The following NUMA1 variants were observed in gnomAD, a reference collection of about 807,000 sequenced individuals.
NUMA1 encodes nuclear mitotic apparatus protein 1.
NUMA1 carries 62 observed loss-of-function variants against 237.1 expected under a neutral mutation model. The ratio of observed to expected loss-of-function variants is 0.26; its 90% CI spans 0.21 to 0.32. The LOEUF (loss-of-function observed/expected upper bound fraction) is 0.32. Ranked by LOEUF, NUMA1 falls within the 10% of genes least tolerant of loss-of-function variation. The pLI, the probability that NUMA1 is intolerant of heterozygous loss-of-function variation, is 1.00. For missense variants in NUMA1, 2,533 were observed against 2,666.5 expected (o/e 0.95, Z 1.10); for synonymous variants, 1,028 against 1,066.1 (o/e 0.96, Z 0.70).
chr11:72,006,135 A>G lies in NUMA1; in HGVS notation c.5592T>C (p.Asp1864=). 1 of 1,614,138 alleles carries G rather than the reference A, an allele frequency of 6.2e-7. No individual in the cohort carries two copies. The highest frequency in any genetic ancestry group is 8.5e-7 in the Non-Finnish European group (1 of 1,180,026). Residue 1864 remains aspartate (D), a synonymous_variant, in exon 22 of 27, where the codon GAT becomes GAC. Coordinates refer to ENST00000393695, the MANE Select transcript of NUMA1 (RefSeq NM_006185.4). ...AGCTGAGCAGGGCTGAGTTGCCATAATCGGGAGAACCCAGGCGAGCTAGAG... is the reference window on the plus strand; with the variant it reads ...AGCTGAGCAGGGCTGAGTTGCCATAGTCGGGAGAACCCAGGCGAGCTAGAG... The part of the protein sequence containing the change: ...TQSLARLGSP[D]YGNSALLSLP...
chr11:72,009,220 G>A (rs907856740), intron 18 of NUMA1, 35 bp from the exon 19 acceptor site: 5 of 1,570,500 alleles, frequency 3.2e-6, no homozygotes, highest in Admixed American at 1.8e-5. Context: ...TGGGGTAGAG[G>A]TTGAAGGGCA....
chr11:72,008,870 G>A (rs748247843), intron 19 of NUMA1, 25 bp from the exon 20 acceptor site: 1 of 1,613,864 alleles, frequency 6.2e-7, no homozygotes, highest in Non-Finnish European at 8.5e-7. Context: ...GCCAGGGGGA[G>A]AGTGAAGAAA....
intron 22 of NUMA1, 169 bp from the exon 23 acceptor site, chr11:72,005,538 A>G (rs1376052684): frequency 1.7e-6 from 1 of 605,296 alleles, no homozygotes; most frequent in Non-Finnish European, 2.8e-6. Flanking sequence ...GACTATTTCT[A>G]TCCTAGGGGC....
At chr11:72,076,249 C>CT (rs1374321500) in intron 1 of NUMA1, among the ~76,000 whole-genome samples, 3 of 152,088 alleles carry the variant, frequency 2.0e-5, no homozygotes, top group Admixed American at 6.5e-5. Flanking sequence ...TGGTGTGCAC[C>CT]TGTAGTCCCA....
chr11:72,012,318 G>A (rs905041488), intron 16 of NUMA1, 83 bp downstream of exon 16: 36 of 1,331,500 alleles, frequency 2.7e-5, no homozygotes, highest in African/African-American at 7.2e-5. Flanking sequence ...AGGAGCTGGC[G>A]GAGGCAAGCT....
intron 2 of NUMA1, among the ~76,000 whole-genome samples, chr11:72,057,667 C>T (rs1309641965): frequency 6.6e-6 from 1 of 151,336 alleles, no homozygotes; most frequent in Non-Finnish European, 1.5e-5. Flanking sequence ...TTGCTTGAAC[C>T]CGGGAGGTGG....
In NUMA1 at chr11:72,018,411, C is replaced by A. The variant is rs371267182; in HGVS notation, c.845G>T (p.Arg282Leu). The A allele has an allele frequency of 1.2e-6, 2 of 1,613,940 alleles. No individual in the cohort carries two copies. The highest frequency in any genetic ancestry group is 1.3e-5 in the African/African-American group (1 of 75,024). ...AGAGCTGTACCTCTCATTCTTGTCA[C>A]GCAGCTCCTCAAGCTCCTTGGGCTC... ...PLEPKELEELRDKNESLTMRL... is the reference protein window; with the variant it reads ...PLEPKELEELLDKNESLTMRL... Residue 282 changes from arginine (R) to leucine (L), a missense_variant, in exon 11 of 27, where the codon CGT becomes CTT. Arg to Leu is a moderately radical substitution (Grantham distance 102, BLOSUM62 -2). This residue lies in a region of NUMA1 where 1,414 missense variants were observed against 1,508.1 expected (regional missense o/e 0.94). Coordinates refer to ENST00000393695, the MANE Select transcript of NUMA1 (RefSeq NM_006185.4).
chr11:72,049,625 T>A (rs1311069655), intron 2 of NUMA1: 3 of 129,552 alleles, frequency 2.3e-5, no homozygotes, highest in Non-Finnish European at 4.9e-5. Context: ...TGCCTATTCA[T>A]CTATCTATAG....
chr11:72,052,741 T>C (rs1942438652), intron 2 of NUMA1, among the ~76,000 whole-genome samples: 1 of 151,598 alleles, frequency 6.6e-6, no homozygotes, highest in Admixed American at 6.6e-5. Context: ...TCCAGTCTGG[T>C]GTGCTCCAGT....
At chr11:72,004,576 C>A (rs369545792) in intron 24 of NUMA1, 64 bp downstream of exon 24, 2 of 1,532,056 alleles carry the variant, frequency 1.3e-6, no homozygotes, top group Non-Finnish European at 1.8e-6. Context: ...CCCTTTAGTC[C>A]TTGGTGAGCT....
Position 72,015,411 on chromosome 11 carries a change from CCTT to C in NUMA1, c.2089_2091del (p.Lys697del). ...GCCTGGAGCTGCTCCTGGAGCTGGT[CCTT>C]CTCCTGGGCCACCCTTTCTTTCTCA... On this transcript the variant is annotated inframe_deletion, in exon 15 of 27. Transcript: ENST00000393695. This position sits in a 1 kb window ranked among gnomAD's most constrained non-coding sequence, Gnocchi z 4.0. The C allele has an allele frequency of 1.9e-6, 3 of 1,611,954 alleles. No individual in the cohort carries two copies. The highest frequency in any genetic ancestry group is 2.5e-6 in the Non-Finnish European group (3 of 1,180,028).
chr11:72,005,129 G>T, intron 23 of NUMA1, 104 bp downstream of exon 23: 1 of 1,301,510 alleles, frequency 7.7e-7, no homozygotes, highest in South Asian at 1.5e-5. Flanking sequence ...CCCCCTCCTC[G>T]GCCAGTCAGT....
chr11:72,035,929 G>C lies in NUMA1; in HGVS notation c.15C>G (p.Ala5=), dbSNP rs369168241. The C allele has an allele frequency of 2.5e-6, 4 of 1,614,018 alleles. No homozygotes were observed. In the Admixed American group the frequency reaches 6.7e-5, roughly 27 times the overall value. The change falls in exon 3 of 27, where the codon GCC becomes GCG. Residue 5 remains alanine, a synonymous_variant. Coordinates refer to ENST00000393695, the MANE Select transcript of NUMA1 (RefSeq NM_006185.4). ...AAGAGAGGAGTGCAGCCCCCCGGGT[G>C]GCGTGGAGTGTCATCTTGGTGATGC... MTLH[A]TRGAALLSWV... is the part of the protein sequence containing the mutation.
rs1278668273 is a variant in NUMA1, at chr11:72,035,983, C to A, written c.-32-8G>T. Reference sequence around the variant, plus strand: ...ACAGTCACTCCAATGCGCCTGGAACCCAAGAGAGGAAGAAAAGCAGTTAAT... The same window carrying A: ...ACAGTCACTCCAATGCGCCTGGAACACAAGAGAGGAAGAAAAGCAGTTAAT... On this transcript the variant is annotated splice_polypyrimidine_tract_variant and splice_region_variant and intron_variant, in intron 2 of 26. Coordinates refer to ENST00000393695, the MANE Select transcript of NUMA1 (RefSeq NM_006185.4). The A allele has an allele frequency of 2.5e-6, 4 of 1,605,124 alleles. No homozygotes were observed. The highest frequency in any genetic ancestry group is 3.4e-6 in the Non-Finnish European group (4 of 1,172,306).
Position 72,018,318 on chromosome 11 carries a change from A to G in NUMA1, c.861-18T>C. On this transcript the variant is annotated intron_variant, in intron 11 of 26. Coordinates refer to ENST00000393695, the MANE Select transcript of NUMA1 (RefSeq NM_006185.4). ...TGGTAAGGCTGCGAGGGAGGGAAGCAGTGAGAAGAGAGTATGGGTTCCTGG... is the reference window on the plus strand; with the variant it reads ...TGGTAAGGCTGCGAGGGAGGGAAGCGGTGAGAAGAGAGTATGGGTTCCTGG... The G allele has an allele frequency of 1.2e-6, 2 of 1,610,950 alleles. No individual in the cohort carries two copies. Among genetic ancestry groups the G allele is most frequent in the South Asian group, 1.1e-5 (1 of 91,004 alleles).
In NUMA1 at chr11:72,018,502, C is replaced by T. The variant is rs760603604; in HGVS notation, c.754G>A (p.Ala252Thr). The change falls in exon 11 of 27, where the codon GCC (alanine) becomes ACC (threonine). Residue 252 changes from alanine (A) to threonine (T), a missense_variant. Ala to Thr is a moderately conservative substitution (Grantham distance 58, BLOSUM62 0). Around this residue, in one of 3 missense-constraint regions of NUMA1, gnomAD observed 1,414 missense variants for 1,508.1 expected, o/e 0.94. Transcript: ENST00000393695. ...CGGTCAATGCGCTGCTGCATCATGGCTATCTGTGCATCTGCCCAGAGTGGA... is the reference window on the plus strand; with the variant it reads ...CGGTCAATGCGCTGCTGCATCATGGTTATCTGTGCATCTGCCCAGAGTGGA... Reference protein sequence around the residue: ...KLLTEKDAQIAMMQQRIDRLA... With the variant: ...KLLTEKDAQITMMQQRIDRLA... The T allele has an allele frequency of 1.2e-6, 2 of 1,614,058 alleles. No homozygotes were observed. The highest frequency in any genetic ancestry group is 1.7e-5 in the Admixed American group (1 of 60,018).
At chr11:72,024,588 C>T in intron 4 of NUMA1, 1 of 530,876 alleles carries the variant, frequency 1.9e-6, no homozygotes, top group Non-Finnish European at 3.4e-6. Context: ...GAAAAGATGG[C>T]ACTCTGCCAC....
rs566967734 is a variant in NUMA1 at position 72,003,853 on chromosome 11, G to C, written c.6336+34C>G. Reference sequence around the variant, plus strand: ...TCTGGGGGGTGCCCATGCTCTCATCGGGTTTCCCTCCCCCATCCTGCCAGT... The same window carrying C: ...TCTGGGGGGTGCCCATGCTCTCATCCGGTTTCCCTCCCCCATCCTGCCAGT... On this transcript the variant is annotated intron_variant, in intron 26 of 26. Transcript: ENST00000393695. 32 of 1,606,482 alleles carry C rather than the reference G, an allele frequency of 2.0e-5. No homozygotes were observed. In the Admixed American group the frequency reaches 5.4e-4, roughly 27 times the overall value.
intron 1 of NUMA1, 33 bp downstream of exon 1, chr11:72,080,406 CACCCGCAGGGGTGCCCAGG>C (rs938881381): frequency 6.6e-6 from 1 of 152,174 alleles, no homozygotes; most frequent in Non-Finnish European, 1.5e-5. Context: ...TAGGCCTGAG[CACCCGCAGGGGTGCCCAGG>C]CCGCACGCCA....
Sources: allele counts gnomAD v4.1 joint callset (sites outside exome capture counted in the v4.1 genomes callset), GRCh38; gene constraint gnomAD v4.1.1; regional missense constraint gnomAD v4.1.1; non-coding constraint Gnocchi (gnomAD v3.1); transcripts MANE v1.5; gene names NCBI Gene and HGNC (gene_info 2026-07-23, HGNC 2026-07-21).